The following DDX11 variants were observed in gnomAD, a reference collection of about 807,000 sequenced individuals.
DDX11 encodes the protein ATP-dependent DNA helicase DDX11.
Under a neutral mutation model 125.2 loss-of-function variants are expected in DDX11, and 72 were observed. That is an observed-to-expected ratio of 0.58 (90% confidence interval 0.48 to 0.70). DDX11 has a LOEUF of 0.70. Ranked by LOEUF, DDX11 falls within the 30% of genes least tolerant of loss-of-function variation. The pLI is 0.00. For synonymous variants in DDX11, 347 were observed against 452.6 expected, an observed-to-expected ratio of 0.77 and a Z score of 2.96; for missense variants, 883 against 1,165.0, an observed-to-expected ratio of 0.76 and a Z score of 3.52.
Position 31,089,890 on chromosome 12 carries a change from G to A in DDX11, c.885G>A (p.Lys295=). ...CVDMQRSRHE[K]KKGAEEEKPK... is the part of the protein sequence containing the mutation. ...TTGTGCCTGTGCCACCCTCAGAGAA[G>A]AAGAAAGGAGCTGAGGAGGAGAAGC... The change falls in exon 9 of 27, where the codon AAG becomes AAA. Residue 295 remains lysine (K), a synonymous_variant. Coordinates refer to ENST00000542838, the MANE Select transcript of DDX11 (RefSeq NM_030653.4). 2 of 1,610,770 alleles carry A rather than the reference G, an allele frequency of 1.2e-6. No individual in the cohort carries two copies.
intron 24 of DDX11, 60 bp from the exon 25 acceptor site, chr12:31,103,257 T>C (rs1249161259): frequency 1.3e-6 from 2 of 1,580,986 alleles, no homozygotes; most frequent in Non-Finnish European, 1.7e-6. Flanking sequence ...GGCAGGGTCT[T>C]TTCCCAGGGG....
intron 5 of DDX11, chr12:31,087,445 T>C (rs1943353754): frequency 3.2e-6 from 1 of 310,594 alleles, no homozygotes; most frequent in African/African-American, 2.2e-5. Context: ...CATGAATCTG[T>C]GTCAGAGCAG....
At chr12:31,092,969 C>G in intron 11 of DDX11, 77 bp downstream of exon 11, 1 of 1,567,564 alleles carries the variant, frequency 6.4e-7, no homozygotes, top group Non-Finnish European at 8.8e-7. Context: ...GCAGGCAGCA[C>G]TTTGGTTCCC....
Position 31,089,885 on chromosome 12 carries a change from G to A in DDX11, c.881-1G>A. ...TCTCTTTGTGCCTGTGCCACCCTCA[G>A]AGAAGAAGAAAGGAGCTGAGGAGGA... On this transcript the variant is annotated splice_acceptor_variant, in intron 8 of 26. Transcript: ENST00000542838. LOFTEE classifies it high-confidence loss of function. 1 of 1,610,738 alleles carries A rather than the reference G, an allele frequency of 6.2e-7. No homozygotes were observed. The highest frequency in any genetic ancestry group is 8.5e-7 in the Non-Finnish European group (1 of 1,179,438).
At chr12:31,095,096 C>T (rs1390951476) in intron 14 of DDX11, among the ~76,000 whole-genome samples, 1 of 152,180 alleles carries the variant, frequency 6.6e-6, no homozygotes, top group Admixed American at 6.5e-5. Context: ...TCTTCTGGCA[C>T]AGTCTCCCTC....
chr12:31,084,434 C>T (rs1310800218), intron 3 of DDX11, 149 bp from the exon 4 acceptor site: 11 of 791,276 alleles, frequency 1.4e-5, no homozygotes, highest in East Asian at 1.1e-4. Context: ...GATGAGGTCC[C>T]GGGAGGGGAT....
At position 31,101,816 on chromosome 12, in the gene DDX11, CTCCT is replaced by C; in HGVS notation, c.2053-15_2053-12del. 6.2e-7 allele frequency: 1 copy of C among 1,613,744 alleles called. No homozygotes were observed. Among genetic ancestry groups the C allele is most frequent in the East Asian group, 2.2e-5 (1 of 44,866 alleles). On this transcript the variant is annotated splice_polypyrimidine_tract_variant and intron_variant, in intron 20 of 26. Coordinates refer to ENST00000542838, the MANE Select transcript of DDX11 (RefSeq NM_030653.4). ...TGCTCCATGGGGGCTCCCTCCCTCC[CTCCT>C]TTCCTTCCTTAGATGGACGAGGTGG...
At chr12:31,078,292 A>G (rs765147088) in intron 1 of DDX11, 98 bp from the exon 2 acceptor site, 24 of 1,610,698 alleles carry the variant, frequency 1.5e-5, no homozygotes, top group African/African-American at 2.7e-5. Context: ...AAATTTGGTA[A>G]TAAGTGTGGA....
intron 10 of DDX11, among the ~76,000 whole-genome samples, chr12:31,092,208 T>C (rs1944367845): frequency 6.6e-6 from 1 of 152,010 alleles, no homozygotes; most frequent in Non-Finnish European, 1.5e-5. Context: ...ACTGAAGTTG[T>C]CTGGAGGGGA....
intron 14 of DDX11, among the ~76,000 whole-genome samples, 184 bp downstream of exon 14, chr12:31,095,006 T>C (rs960298154): frequency 1.3e-5 from 2 of 152,194 alleles, no homozygotes; most frequent in Admixed American, 6.5e-5. Context: ...GCCACAGGGA[T>C]GAGGGATGGG....
chr12:31,094,023 C>T (rs1325728254), intron 12 of DDX11, among the ~76,000 whole-genome samples: 3 of 151,512 alleles, frequency 2.0e-5, no homozygotes, highest in South Asian at 2.1e-4. Context: ...TGTTGATAGA[C>T]GCATAAACTA....
Position 31,094,476 on chromosome 12 carries a change from A to G in DDX11, c.1370-114A>G, listed in dbSNP as rs1335277535. Reference sequence around the variant, plus strand: ...AAACAGTGAAAAGCAAAACAAAGCCATTTAAATACAGATGCTCTTCTTACT... The same window carrying G: ...AAACAGTGAAAAGCAAAACAAAGCCGTTTAAATACAGATGCTCTTCTTACT... On this transcript the variant is annotated intron_variant, in intron 12 of 26. Coordinates refer to ENST00000542838, the MANE Select transcript of DDX11 (RefSeq NM_030653.4). 4.0e-5 allele frequency: 61 copies of G among 1,532,752 alleles called. No individual in the cohort carries two copies. In the South Asian group the frequency reaches 6.8e-4, roughly 17 times the overall value. The allele number at this position is 1,532,752 out of a possible 1,614,324, so 94.9% of individuals were successfully genotyped here.
rs201372033 is a variant in DDX11 at position 31,094,746 on chromosome 12, TG to T, written c.1415-8del. On this transcript the variant is annotated splice_region_variant and splice_polypyrimidine_tract_variant and intron_variant, in intron 13 of 26. Coordinates refer to ENST00000542838, the MANE Select transcript of DDX11 (RefSeq NM_030653.4). ...AAGCTCCCAAGGCCCTTCATGTGTTTGTTCTCAGGGACGGAGCTGAAGACCA... is the reference window on the plus strand; with the variant it reads ...AAGCTCCCAAGGCCCTTCATGTGTTTTTCTCAGGGACGGAGCTGAAGACCA... The T allele has an allele frequency of 1.2e-3, 1,959 of 1,611,768 alleles. 15 individuals carry two copies. The East Asian group carries it at 0.035, about 28-fold the overall frequency.
intron 5 of DDX11, among the ~76,000 whole-genome samples, chr12:31,085,340 C>T (rs1206841308): frequency 1.3e-5 from 2 of 152,254 alleles, no homozygotes; most frequent in South Asian, 2.1e-4. Flanking sequence ...GCTGTCCTCA[C>T]GGCAGCTCAG....
Position 31,096,724 on chromosome 12 carries a change from C to T in DDX11, c.1609C>T (p.Leu537=), listed in dbSNP as rs770400902. ...LAGFQQFLQS[L]QPRTTEALAA... ...TGGGTTTCAGCAATTCCTGCAGAGC[C>T]TGCAGCCCAGGACGACTGAAGGTGA... is the stretch of plus-strand genomic sequence containing the variant. The change falls in exon 16 of 27, where the codon CTG becomes TTG. Residue 537 remains leucine (L), a synonymous_variant. Coordinates refer to ENST00000542838, the MANE Select transcript of DDX11 (RefSeq NM_030653.4). The T allele has an allele frequency of 9.3e-6, 15 of 1,614,064 alleles. No homozygotes were observed. Among genetic ancestry groups the T allele is most frequent in the Admixed American group, 1.7e-5 (1 of 60,002 alleles).
chr12:31,103,988 C>T lies in DDX11; in HGVS notation c.*152C>T. On this transcript the variant is annotated 3_prime_UTR_variant, in exon 27 of 27. Coordinates refer to ENST00000542838, the MANE Select transcript of DDX11 (RefSeq NM_030653.4). ...GTCCAGAGTGCTGCCAGGACCCAGGCACAGGCGTTAGCTCCCGTAGGAGAA... is the reference window on the plus strand; with the variant it reads ...GTCCAGAGTGCTGCCAGGACCCAGGTACAGGCGTTAGCTCCCGTAGGAGAA... 6.4e-7 allele frequency: 1 copy of T among 1,568,294 alleles called. No individual in the cohort carries two copies. Among genetic ancestry groups the T allele is most frequent in the Non-Finnish European group, 8.6e-7 (1 of 1,157,484 alleles).
intron 18 of DDX11, among the ~76,000 whole-genome samples, chr12:31,098,215 T>G (rs943737396): frequency 5.9e-5 from 9 of 152,262 alleles, no homozygotes; most frequent in Admixed American, 2.0e-4. Context: ...TGCTCCATTC[T>G]GTAGCCCCAG....
Position 31,091,848 on chromosome 12 carries a change from A to G in DDX11, c.1219A>G (p.Ser407Gly), listed in dbSNP as rs1944288521. ...NLIDTITGMH[S>G]VEVSGSQLCQ... ...GATCGACACCATCACGGGCATGCAC[A>G]GCGTGGAGGTCAGCGGCTCCCAGGT... is the stretch of plus-strand genomic sequence containing the variant. The change falls in exon 10 of 27, where the codon AGC (serine) becomes GGC (glycine). Residue 407 changes from serine to glycine, a missense_variant. By Grantham distance (56) the Ser-to-Gly change is moderately conservative. This residue lies in a region of DDX11 where 241 missense variants were observed against 279.7 expected (regional missense o/e 0.86). Coordinates refer to ENST00000542838, the MANE Select transcript of DDX11 (RefSeq NM_030653.4). The G allele has an allele frequency of 2.5e-6, 4 of 1,613,944 alleles. No individual in the cohort carries two copies. The highest frequency in any genetic ancestry group is 3.4e-6 in the Non-Finnish European group (4 of 1,179,858).
At chr12:31,083,323 AAACAAAAC>A (rs1565854365) in intron 2 of DDX11, among the ~76,000 whole-genome samples, 1 of 145,316 alleles carries the variant, frequency 6.9e-6, no homozygotes, top group Non-Finnish European at 1.5e-5. Flanking sequence ...AAAAAAAAAA[AAACAAAAC>A]AAAACACAAA....
Sources: allele counts gnomAD v4.1 joint callset (sites outside exome capture counted in the v4.1 genomes callset), GRCh38; gene constraint gnomAD v4.1.1; regional missense constraint gnomAD v4.1.1; transcripts MANE v1.5; gene names NCBI Gene and HGNC (gene_info 2026-07-23, HGNC 2026-07-21).